The following PMS1 variants were observed in gnomAD, a reference collection of about 807,000 sequenced individuals.
The protein encoded by PMS1 is PMS1 homolog 1, mismatch repair system component.
PMS1 carries 79 observed loss-of-function variants against 93.1 expected under a neutral mutation model. That is an observed-to-expected ratio of 0.85 (90% confidence interval 0.71 to 1.02). PMS1 has a LOEUF of 1.02. Ranked by LOEUF, PMS1 falls within the 50% of genes least tolerant of loss-of-function variation. The pLI is 0.00. For missense variants in PMS1, 1,064 were observed against 1,085.3 expected (o/e 0.98, Z 0.28); for synonymous variants, 335 against 363.4 (o/e 0.92, Z 0.89).
intron 4 of PMS1, 30 bp downstream of exon 4, chr2:189,805,784 C>A (rs1559232362): frequency 6.2e-7 from 1 of 1,612,224 alleles, no homozygotes; most frequent in Admixed American, 1.7e-5. Context: ...TACAAACATT[C>A]TTTACCTTTT....
At chr2:189,796,816 G>C (rs2049403070) in intron 3 of PMS1, among the ~76,000 whole-genome samples, 1 of 152,130 alleles carries the variant, frequency 6.6e-6, no homozygotes, top group African/African-American at 2.4e-5. Context: ...GGGCTATTGT[G>C]AATAATGTTT....
intron 3 of PMS1, among the ~76,000 whole-genome samples, chr2:189,803,751 T>G (rs2050093698): frequency 6.6e-6 from 1 of 152,254 alleles, no homozygotes; most frequent in Admixed American, 6.5e-5. Flanking sequence ...CATAAATTTA[T>G]GAAGTACACT....
chr2:189,805,772 T>A lies in PMS1; in HGVS notation c.418+18T>A, dbSNP rs1277600151. On this transcript the variant is annotated intron_variant, in intron 4 of 12. Coordinates refer to ENST00000441310, the MANE Select transcript of PMS1 (RefSeq NM_000534.5). ...TGGTCAAGGTAAGAAAGTAGCTTTG[T>A]ATACAAACATTCTTTACCTTTTCTG... The A allele has an allele frequency of 1.2e-6, 2 of 1,613,504 alleles. No homozygotes were observed. The highest frequency in any genetic ancestry group is 2.7e-5 in the African/African-American group (2 of 74,950).
At chr2:189,875,269 GTACAA>G (rs2057463884) in intron 12 of PMS1, among the ~76,000 whole-genome samples, 1 of 150,776 alleles carries the variant, frequency 6.6e-6, no homozygotes, top group South Asian at 2.1e-4. Context: ...TAATGGCAAA[GTACAA>G]TTGTCCTTGT....
chr2:189,809,420 A>G (rs1349919620), intron 4 of PMS1, among the ~76,000 whole-genome samples: 1 of 82,464 alleles, frequency 1.2e-5, no homozygotes, highest in East Asian at 3.2e-4. Flanking sequence ...GGCCAATATT[A>G]CTTGGTGCTT....
chr2:189,842,140 A>G (rs2053867170), intron 5 of PMS1, among the ~76,000 whole-genome samples: 2 of 151,628 alleles, frequency 1.3e-5, no homozygotes, highest in Non-Finnish European at 2.9e-5. Flanking sequence ...CTTCTCTAGA[A>G]CTGTTCTCAC....
rs369747027 is a variant in PMS1 at position 189,815,330 on chromosome 2, T to C, written c.419-2687T>C. On this transcript the variant is annotated intron_variant, in intron 4 of 12. Coordinates refer to ENST00000441310, the MANE Select transcript of PMS1 (RefSeq NM_000534.5). ...CTCCAGTTAACCAGTGTTACTGATA[T>C]GGTTTGGCTCTGTGTCCCCACCCAA... 2.9e-3 allele frequency among the ~76,000 whole-genome samples: 438 copies of C among 152,236 alleles called. 1 individual carries two copies. Among genetic ancestry groups the C allele is most frequent in the Middle Eastern group, 0.014 (4 of 294 alleles).
rs2106449327 is a variant in PMS1, at chr2:189,852,663, C to T, written c.708C>T (p.Leu236=). ...QYHSEESQIY[L]SGFLPKCDAD... is the part of the protein sequence containing the mutation. Reference sequence around the variant, plus strand: ...CTGTAATTATTATATAGATTTATCTCAGTGGATTTCTTCCAAAGTGTGATG... The same window carrying T: ...CTGTAATTATTATATAGATTTATCTTAGTGGATTTCTTCCAAAGTGTGATG... Residue 236 remains leucine (L), a synonymous_variant, in exon 7 of 13, where the codon CTC becomes CTT. Coordinates refer to ENST00000441310, the MANE Select transcript of PMS1 (RefSeq NM_000534.5). 1 of 1,606,034 alleles carries T rather than the reference C, an allele frequency of 6.2e-7. No individual in the cohort carries two copies. Among genetic ancestry groups the T allele is most frequent in the African/African-American group, 1.3e-5 (1 of 74,790 alleles).
At position 189,791,787 on chromosome 2, in the gene PMS1, T is replaced by TA. The variant is rs772011345; in HGVS notation, c.-20-2dup. The stretch of plus-strand genomic sequence containing the variant: ...TCTTACAAGTTGCATTTTTATCTTC[T>TA]AGCTGCTCTGTTAAAAGCGAAAATG... On this transcript the variant is annotated splice_region_variant and splice_polypyrimidine_tract_variant and intron_variant, in intron 1 of 12. Transcript: ENST00000441310. The TA allele has an allele frequency of 6.2e-7, 1 of 1,612,212 alleles. No individual in the cohort carries two copies. Among genetic ancestry groups the TA allele is most frequent in the Admixed American group, 1.7e-5 (1 of 60,022 alleles).
intron 5 of PMS1, among the ~76,000 whole-genome samples, chr2:189,834,528 CGTT>C (rs2053224973): frequency 2.0e-5 from 3 of 152,018 alleles, no homozygotes; most frequent in Admixed American, 1.3e-4. Context: ...AAAATGATCT[CGTT>C]GTCTGGCAAG....
At chr2:189,813,745 T>C (rs1278976362) in intron 4 of PMS1, among the ~76,000 whole-genome samples, 3 of 152,204 alleles carry the variant, frequency 2.0e-5, no homozygotes, top group African/African-American at 7.2e-5. Context: ...GCCATATTCA[T>C]GGGAGTAAAG....
chr2:189,844,896 C>G (rs1559290888), intron 6 of PMS1, among the ~76,000 whole-genome samples: 2 of 151,700 alleles, frequency 1.3e-5, no homozygotes, highest in East Asian at 2.0e-4. Flanking sequence ...CTCACTCTGT[C>G]ACCCAGGCTG....
chr2:189,836,333 C>G (rs1379267811), intron 5 of PMS1, among the ~76,000 whole-genome samples: 7 of 152,184 alleles, frequency 4.6e-5, no homozygotes, highest in African/African-American at 1.7e-4. Context: ...TGTCATCATA[C>G]TGACTAGAGT....
chr2:189,847,520 A>G (rs538548884), intron 6 of PMS1, among the ~76,000 whole-genome samples: 3 of 151,868 alleles, frequency 2.0e-5, no homozygotes, highest in East Asian at 3.9e-4. Flanking sequence ...TTTTTTATAC[A>G]TACTGTTTTA....
In PMS1 at chr2:189,818,148, C is replaced by T. The variant is rs1329756702; in HGVS notation, c.550C>T (p.Pro184Ser). 2.5e-6 allele frequency: 4 copies of T among 1,604,490 alleles called. No homozygotes were observed. The Admixed American group carries it at 6.7e-5, about 27-fold the overall frequency. The change falls in exon 5 of 13, where the codon CCT (proline) becomes TCT (serine). Residue 184 changes from proline (P) to serine (S), a missense_variant. Transcript: ENST00000441310. ...DLLMSFGILKPDLRIVFVHNK... is the reference protein window; with the variant it reads ...DLLMSFGILKSDLRIVFVHNK... ...CCTCATGAGCTTTGGTATCCTTAAACCTGACTTAAGGATTGTCTTTGTACA... is the reference window on the plus strand; with the variant it reads ...CCTCATGAGCTTTGGTATCCTTAAATCTGACTTAAGGATTGTCTTTGTACA...
chr2:189,873,669 T>TTA lies in PMS1; in HGVS notation c.2634+21_2634+22dup, dbSNP rs571845566. 47 of 1,583,754 alleles carry TTA rather than the reference T, an allele frequency of 3.0e-5. No individual in the cohort carries two copies. The African/African-American group carries it at 4.2e-4, about 14-fold the overall frequency. On this transcript the variant is annotated intron_variant, in intron 12 of 12. Transcript: ENST00000441310. ...AAGTTATTTAGAGGTACGCATTATTTTATATATATGTTATTGTATACAGGG... is the reference window on the plus strand; with the variant it reads ...AAGTTATTTAGAGGTACGCATTATTTTATATATATATGTTATTGTATACAGGG...
intron 3 of PMS1, among the ~76,000 whole-genome samples, chr2:189,797,295 A>G (rs1437840842): frequency 2.6e-5 from 4 of 152,204 alleles, no homozygotes; most frequent in African/African-American, 7.2e-5. Flanking sequence ...ACTGTGAGTT[A>G]GGTGCTCAGT....
intron 9 of PMS1, 109 bp downstream of exon 9, chr2:189,855,237 C>G (rs1378022484): frequency 1.1e-5 from 10 of 894,734 alleles, no homozygotes; most frequent in African/African-American, 3.3e-5. Context: ...AAAAGCAGAT[C>G]AGAAAATACC....
chr2:189,861,147 G>A (rs549403617), intron 9 of PMS1, among the ~76,000 whole-genome samples: 62 of 151,624 alleles, frequency 4.1e-4, no homozygotes, highest in Non-Finnish European at 6.8e-4. Context: ...CTCCTTTTTG[G>A]GGGGAGAGGA....
Sources: gnomAD v4.1 joint callset for allele counts (sites outside exome capture counted in the v4.1 genomes callset) on GRCh38, gnomAD v4.1.1 for gene constraint, MANE v1.5 for transcripts, NCBI Gene and HGNC (gene_info 2026-07-23, HGNC 2026-07-21) for gene names.